MARCHF10: variants seen among roughly 807,000 people sequenced by gnomAD.
MARCHF10 encodes the protein membrane associated ring-CH-type finger 10.
A neutral mutation model predicts 76.2 loss-of-function variants in MARCHF10; 64 were observed. The observed-to-expected ratio is 0.84, with a 90% CI of 0.69 to 1.03. The LOEUF (loss-of-function observed/expected upper bound fraction) is 1.03, where lower values mean the gene tolerates loss of function less well. MARCHF10 is among the 50% of genes least tolerant of loss of function. The pLI is 0.00. For synonymous variants in MARCHF10, 340 were observed against 357.5 expected (o/e 0.95, Z 0.55); for missense variants, 875 against 958.0 (o/e 0.91, Z 1.14).
chr17:62,775,948 C>T (rs1050213398), intron 3 of MARCHF10, among the ~76,000 whole-genome samples: 12 of 151,944 alleles, frequency 7.9e-5, no homozygotes, highest in Non-Finnish European at 1.3e-4. Context: ...TTCCAAGTAG[C>T]GGGAATTACA....
chr17:62,789,099 G>T (rs1320006030), intron 2 of MARCHF10, among the ~76,000 whole-genome samples: 2 of 143,720 alleles, frequency 1.4e-5, no homozygotes, highest in Non-Finnish European at 3.0e-5. Flanking sequence ...AAAAAACGCA[G>T]GTCAGACGTA....
At position 62,735,812 on chromosome 17, in the gene MARCHF10, C is replaced by A. The variant is rs1278403654; in HGVS notation, c.1937+119G>T. 8.0e-6 allele frequency: 7 copies of A among 873,638 alleles called. No individual in the cohort carries two copies. In the African/African-American group the frequency reaches 1.2e-4, roughly 15 times the overall value. 54.1% of individuals were successfully genotyped at this position (873,638 alleles called of 1,614,324 possible). ...ACAATTTTCTCAAAATAAGCAACCA[C>A]TAAAATGTCAAGGAAGGACCCATTT... is the stretch of plus-strand genomic sequence containing the variant. On this transcript the variant is annotated intron_variant, in intron 6 of 10. Transcript: ENST00000311269.
intron 6 of MARCHF10, among the ~76,000 whole-genome samples, chr17:62,728,420 A>G (rs2090863274): frequency 6.6e-6 from 1 of 152,140 alleles, no homozygotes; most frequent in African/African-American, 2.4e-5. Flanking sequence ...AAAGCACACA[A>G]TTGCCGGGGA....
In MARCHF10 at chr17:62,714,183, A is replaced by C. The variant is rs552687865; in HGVS notation, c.2215-2839T>G. On this transcript the variant is annotated intron_variant, in intron 8 of 10. Transcript: ENST00000311269. ...CTGAGACTCTCCTGTGCGGCAGAGCAAGGATGGCAGGGGTGTGTTCCAATT... is the reference window on the plus strand; with the variant it reads ...CTGAGACTCTCCTGTGCGGCAGAGCCAGGATGGCAGGGGTGTGTTCCAATT... Among the ~76,000 whole-genome samples the C allele has an allele frequency of 3.9e-5, 6 of 152,320 alleles. No homozygotes were observed. The South Asian group carries it at 1.2e-3, about 32-fold the overall frequency.
chr17:62,739,036 C>T (rs4968737), intron 5 of MARCHF10, among the ~76,000 whole-genome samples: 47,793 of 152,096 alleles, frequency 0.31, 8,187 homozygotes, highest in Non-Finnish European at 0.39. Flanking sequence ...CTGTGGCTCA[C>T]GCCTGTAATC....
rs1417837343 is a variant in MARCHF10 at position 62,792,580 on chromosome 17, C to A, written c.91-3981G>T. Among the ~76,000 whole-genome samples the A allele has an allele frequency of 1.1e-4, 16 of 150,168 alleles. 1 individual carries two copies. Among genetic ancestry groups the A allele is most frequent in the Admixed American group, 3.3e-4 (5 of 15,104 alleles). On this transcript the variant is annotated intron_variant, in intron 2 of 10. Coordinates refer to ENST00000311269, the MANE Select transcript of MARCHF10 (RefSeq NM_152598.4). ...ACCACCACCTCCATCACCACCACAA[C>A]CATCACCACCCACCACCACCACCTC...
At chr17:62,784,818 G>A (rs2092719337) in intron 3 of MARCHF10, among the ~76,000 whole-genome samples, 1 of 152,124 alleles carries the variant, frequency 6.6e-6, no homozygotes, top group South Asian at 2.1e-4. Context: ...AACTTACAAG[G>A]GATGTGAAGG....
chr17:62,781,601 A>T (rs2092659335), intron 3 of MARCHF10, among the ~76,000 whole-genome samples: 1 of 152,204 alleles, frequency 6.6e-6, no homozygotes, highest in African/African-American at 2.4e-5. Flanking sequence ...CAACTGCTGC[A>T]TAACCAGCAG....
At chr17:62,774,682 C>T (rs890524757) in intron 3 of MARCHF10, among the ~76,000 whole-genome samples, 3 of 152,182 alleles carry the variant, frequency 2.0e-5, no homozygotes, top group African/African-American at 4.8e-5. Flanking sequence ...CCTCCTGTAA[C>T]GTCCTCTCTA....
At chr17:62,804,713 C>T (rs2148230427) in intron 1 of MARCHF10, among the ~76,000 whole-genome samples, 1 of 152,288 alleles carries the variant, frequency 6.6e-6, no homozygotes, top group Admixed American at 6.5e-5. Context: ...TAAAATGGCA[C>T]TGTTAATAAC....
chr17:62,701,649 G>A lies in MARCHF10; in HGVS notation c.*54C>T. On this transcript the variant is annotated 3_prime_UTR_variant, in exon 11 of 11. Coordinates refer to ENST00000311269, the MANE Select transcript of MARCHF10 (RefSeq NM_152598.4). The stretch of plus-strand genomic sequence containing the variant: ...AGGGAGGGAGGCACTTGGGGACGTA[G>A]AAAGAAGGGCTGGCGGGAGAGGTCT... 1 of 1,613,244 alleles carries A rather than the reference G, an allele frequency of 6.2e-7. No individual in the cohort carries two copies. The highest frequency in any genetic ancestry group is 8.5e-7 in the Non-Finnish European group (1 of 1,179,890).
intron 6 of MARCHF10, among the ~76,000 whole-genome samples, chr17:62,734,508 TA>T (rs2091176978): frequency 6.6e-6 from 1 of 152,158 alleles, no homozygotes; most frequent in Non-Finnish European, 1.5e-5. Flanking sequence ...GGTGAACTTT[TA>T]AAAACATGTG....
At chr17:62,730,446 T>C (rs1329145733) in intron 6 of MARCHF10, among the ~76,000 whole-genome samples, 2 of 152,248 alleles carry the variant, frequency 1.3e-5, no homozygotes, top group Admixed American at 1.3e-4. Context: ...ATATTCCATA[T>C]GAATTTAAGT....
At position 62,780,325 on chromosome 17, in the gene MARCHF10, T is replaced by A. The variant is rs2092634869; in HGVS notation, c.210+8155A>T. On this transcript the variant is annotated intron_variant, in intron 3 of 10. Transcript: ENST00000311269. ...TGCATGGCTGGACATTCTGACTTTT[T>A]AAGCCATTGCAGGCTACTTGAAAAG... Among the ~76,000 whole-genome samples, 4 of 152,250 alleles carry A rather than the reference T, an allele frequency of 2.6e-5. No homozygotes were observed. The South Asian group carries it at 6.2e-4, about 24-fold the overall frequency.
At chr17:62,751,135 C>A (rs991516108) in intron 4 of MARCHF10, among the ~76,000 whole-genome samples, 6 of 152,200 alleles carry the variant, frequency 3.9e-5, no homozygotes, top group Non-Finnish European at 8.8e-5. Context: ...TGTTCACTAA[C>A]CTCACGCTCA....
At chr17:62,796,002 T>C (rs1409267646) in intron 2 of MARCHF10, among the ~76,000 whole-genome samples, 1 of 151,856 alleles carries the variant, frequency 6.6e-6, no homozygotes, top group Non-Finnish European at 1.5e-5. Flanking sequence ...CGTCATGCAA[T>C]TGATCCTTTT....
intron 4 of MARCHF10, among the ~76,000 whole-genome samples, chr17:62,756,481 C>T (rs1158662371): frequency 1.3e-5 from 2 of 152,096 alleles, no homozygotes; most frequent in African/African-American, 4.8e-5. Context: ...TAAAATACAA[C>T]TCTGATTTTG....
chr17:62,722,156 G>A (rs995648356), intron 8 of MARCHF10, among the ~76,000 whole-genome samples: 7 of 151,784 alleles, frequency 4.6e-5, no homozygotes, highest in African/African-American at 7.3e-5. Flanking sequence ...GGTGGCACAC[G>A]CCTGTAATCC....
At chr17:62,745,901 G>A (rs898407421) in intron 4 of MARCHF10, among the ~76,000 whole-genome samples, 2 of 152,190 alleles carry the variant, frequency 1.3e-5, no homozygotes, top group East Asian at 1.9e-4. Flanking sequence ...ATATCTGGAC[G>A]AAATTCCCCA....
Sources: gnomAD v4.1 joint callset for allele counts (sites outside exome capture counted in the v4.1 genomes callset) on GRCh38, gnomAD v4.1.1 for gene constraint, MANE v1.5 for transcripts, NCBI Gene and HGNC (gene_info 2026-07-23, HGNC 2026-07-21) for gene names.